The following DDX60L variants were observed in gnomAD, a reference collection of about 807,000 sequenced individuals.
DDX60L encodes probable ATP-dependent RNA helicase DDX60-like.
DDX60L carries 191 observed loss-of-function variants against 211.6 expected under a neutral mutation model. The ratio of observed to expected loss-of-function variants is 0.90; its 90% CI spans 0.80 to 1.02. The LOEUF is 1.02. Among genes scored for constraint, DDX60L ranks in the 50% least tolerant of loss-of-function variants. DDX60L has a pLI of 0.00. For synonymous variants in DDX60L, 706 were observed against 694.1 expected, an observed-to-expected ratio of 1.02 and a Z score of -0.27; for missense variants, 2,007 against 1,984.1, an observed-to-expected ratio of 1.01 and a Z score of -0.22.
chr4:168,453,987 C>T (rs1323628167), intron 7 of DDX60L, among the ~76,000 whole-genome samples: 1 of 152,104 alleles, frequency 6.6e-6, no homozygotes, highest in Non-Finnish European at 1.5e-5. Context: ...CCCTAGCCAT[C>T]TCTAAATCAT....
chr4:168,387,438 A>C lies in DDX60L; in HGVS notation c.3916-2626T>G, dbSNP rs75316558. Among the ~76,000 whole-genome samples, 404 of 152,368 alleles carry C rather than the reference A, an allele frequency of 2.7e-3. 2 individuals are homozygous for C. The highest frequency in any genetic ancestry group is 9.2e-3 in the African/African-American group (381 of 41,594). ...CATTTGCAAACAAAGGATCTGATTGAAAACAAGGCTGAGAACTTTCCCTAT... is the reference window on the plus strand; with the variant it reads ...CATTTGCAAACAAAGGATCTGATTGCAAACAAGGCTGAGAACTTTCCCTAT... On this transcript the variant is annotated intron_variant, in intron 29 of 37. Transcript: ENST00000682922.
At chr4:168,428,783 C>T in intron 13 of DDX60L, among the ~76,000 whole-genome samples, 1 of 152,156 alleles carries the variant, frequency 6.6e-6, no homozygotes. Context: ...CCAAGCAGAA[C>T]CATAAAATCT....
intron 26 of DDX60L, among the ~76,000 whole-genome samples, chr4:168,396,721 C>T (rs146078729): frequency 1.2e-3 from 181 of 151,588 alleles, no homozygotes; most frequent in African/African-American, 4.2e-3. Flanking sequence ...AATCAGTCAC[C>T]GAGAAGACCT....
chr4:168,383,067 A>T (rs1743242563), intron 30 of DDX60L, among the ~76,000 whole-genome samples: 1 of 152,228 alleles, frequency 6.6e-6, no homozygotes, highest in Non-Finnish European at 1.5e-5. Context: ...TTAAATAGTC[A>T]GTAAATAATT....
chr4:168,406,541 C>A (rs776671310), intron 23 of DDX60L, 61 bp downstream of exon 23: 100 of 1,229,768 alleles, frequency 8.1e-5, no homozygotes, highest in Non-Finnish European at 1.1e-4. Flanking sequence ...AGTAATTTTG[C>A]TATATTCTGG....
At chr4:168,412,320 G>A (rs1035547492) in intron 22 of DDX60L, among the ~76,000 whole-genome samples, 2 of 152,018 alleles carry the variant, frequency 1.3e-5, no homozygotes, top group African/African-American at 4.8e-5. Context: ...GCTCTTGGAT[G>A]GCATCTCTGA....
intron 10 of DDX60L, among the ~76,000 whole-genome samples, chr4:168,436,262 C>A (rs959104649): frequency 1.3e-5 from 2 of 152,208 alleles, no homozygotes; most frequent in Non-Finnish European, 2.9e-5. Flanking sequence ...GAGTCATTCC[C>A]TCTTCTTACT....
At chr4:168,425,775 G>GA (rs754860747) in intron 14 of DDX60L, among the ~76,000 whole-genome samples, 42 of 150,212 alleles carry the variant, frequency 2.8e-4, no homozygotes, top group South Asian at 8.4e-4. Flanking sequence ...CCAAAAAAAA[G>GA]AAAAAAAAAT....
intron 19 of DDX60L, among the ~76,000 whole-genome samples, chr4:168,418,239 T>C (rs1232776701): frequency 1.3e-5 from 2 of 152,208 alleles, no homozygotes; most frequent in Non-Finnish European, 2.9e-5. Flanking sequence ...GGATAGTTTT[T>C]GTATTTGTAG....
chr4:168,398,550 C>A (rs1746230501), intron 26 of DDX60L, among the ~76,000 whole-genome samples: 1 of 152,222 alleles, frequency 6.6e-6, no homozygotes. Context: ...GTCCCACCTT[C>A]AAGCTGAGAA....
At chr4:168,359,191 G>GT (rs937101361) in intron 37 of DDX60L, among the ~76,000 whole-genome samples, 1 of 152,082 alleles carries the variant, frequency 6.6e-6, no homozygotes, top group Non-Finnish European at 1.5e-5. Context: ...CAGAGTTTCA[G>GT]TTTTTTACTA....
Position 168,441,324 on chromosome 4 carries a change from A to AC in DDX60L, c.1294+12dup. The AC allele has an allele frequency of 6.4e-7, 1 of 1,571,312 alleles. No individual in the cohort carries two copies. Among genetic ancestry groups the AC allele is most frequent in the Non-Finnish European group, 8.6e-7 (1 of 1,157,564 alleles). ...ACATGCTTTTGTTCCACTTTAATTT[A>AC]CCCATTTAGTACCTTGAATGACCGA... On this transcript the variant is annotated intron_variant, in intron 10 of 37. Coordinates refer to ENST00000682922, the MANE Select transcript of DDX60L (RefSeq NM_001012967.3).
At chr4:168,472,404 C>CA in intron 3 of DDX60L, 51 bp downstream of exon 3, 1 of 1,343,482 alleles carries the variant, frequency 7.4e-7, no homozygotes, top group Non-Finnish European at 1.0e-6. Flanking sequence ...GATGTGGAAA[C>CA]ACAGAGCATA....
At chr4:168,358,489 T>C (rs2149577701) in intron 37 of DDX60L, among the ~76,000 whole-genome samples, 1 of 151,792 alleles carries the variant, frequency 6.6e-6, no homozygotes, top group South Asian at 2.1e-4. Context: ...GATATATACC[T>C]TCACACAGTT....
chr4:168,379,500 T>C lies in DDX60L; in HGVS notation c.4226A>G (p.Tyr1409Cys), dbSNP rs1284755249. Residue 1409 changes from tyrosine (Y) to cysteine (C), a missense_variant, in exon 32 of 38, where the codon TAT (tyrosine) becomes TGT (cysteine). By Grantham distance (194) the Tyr-to-Cys change is radical. Coordinates refer to ENST00000682922, the MANE Select transcript of DDX60L (RefSeq NM_001012967.3). ...FSLQLLIKED[Y>C]LNKKGNPKKF... Reference sequence around the variant, plus strand: ...CTTTGGATTACCCTTTTTATTTAAATAGTCCTAAAAATGAGAAACAAAAAG... The same window carrying C: ...CTTTGGATTACCCTTTTTATTTAAACAGTCCTAAAAATGAGAAACAAAAAG... 1 of 1,568,950 alleles carries C rather than the reference T, an allele frequency of 6.4e-7. No individual in the cohort carries two copies. The highest frequency in any genetic ancestry group is 1.2e-5 in the South Asian group (1 of 83,004).
At chr4:168,471,586 T>C (rs893097873) in intron 4 of DDX60L, 161 bp downstream of exon 4, 6 of 528,700 alleles carry the variant, frequency 1.1e-5, no homozygotes, top group African/African-American at 1.0e-4. Context: ...AGAATGGTTA[T>C]CTCTGAGTAG....
At chr4:168,371,154 C>A (rs138573033) in intron 36 of DDX60L, among the ~76,000 whole-genome samples, 4 of 151,458 alleles carry the variant, frequency 2.6e-5, no homozygotes, top group Non-Finnish European at 4.4e-5. Context: ...AACATTCTTT[C>A]TTAATGAATA....
In DDX60L at chr4:168,462,550, C is replaced by T. The variant is rs137976043; in HGVS notation, c.265-510G>A. 1.3e-4 allele frequency among the ~76,000 whole-genome samples: 20 copies of T among 152,268 alleles called. No homozygotes were observed. The East Asian group carries it at 2.1e-3, about 16-fold the overall frequency. On this transcript the variant is annotated intron_variant, in intron 4 of 37. Transcript: ENST00000682922. The stretch of plus-strand genomic sequence containing the variant: ...ACATATGGTCAGGCACAGTGGCTCA[C>T]GCCTATAATCCCAGCAGTTTAGGAG...
intron 1 of DDX60L, among the ~76,000 whole-genome samples, chr4:168,479,818 T>C (rs899181036): frequency 8.1e-5 from 12 of 148,206 alleles, no homozygotes; most frequent in Non-Finnish European, 1.2e-4. Context: ...AAATAAAAAA[T>C]AAAAAATAAA....
Sources: gnomAD v4.1 joint callset for allele counts (sites outside exome capture counted in the v4.1 genomes callset) on GRCh38, gnomAD v4.1.1 for gene constraint, MANE v1.5 for transcripts, NCBI Gene and HGNC (gene_info 2026-07-23, HGNC 2026-07-21) for gene names.